PIK3R5: variants seen among roughly 807,000 people sequenced by gnomAD.
PIK3R5 encodes phosphoinositide 3-kinase regulatory subunit 5.
In PIK3R5, 32 loss-of-function variants were observed where a neutral mutation model predicts 94.9. The observed-to-expected ratio is 0.34, with a 90% CI of 0.25 to 0.45. The LOEUF is 0.45. Among genes scored for constraint, PIK3R5 ranks in the 20% least tolerant of loss-of-function variants. The pLI is 1.00. For synonymous variants in PIK3R5, 443 were observed against 479.4 expected (o/e 0.92, Z 0.99); for missense variants, 853 against 1,144.6 (o/e 0.75, Z 3.68).
chr17:8,931,231 T>C (rs2090981382), intron 1 of PIK3R5, among the ~76,000 whole-genome samples: 1 of 152,214 alleles, frequency 6.6e-6, no homozygotes, highest in African/African-American at 2.4e-5. Flanking sequence ...CTAAAAACTT[T>C]ATTTTTTAAA....
In PIK3R5 at chr17:8,882,974, G is replaced by A. The variant is rs1351299764; in HGVS notation, c.2206-1093C>T. On this transcript the variant is annotated intron_variant, in intron 15 of 18. Transcript: ENST00000447110. The surrounding 1 kb of genome is among the most constrained non-coding windows in gnomAD (Gnocchi z 4.1). Reference sequence around the variant, plus strand: ...GTCCTCCACAGAGCTGCCAGAGGGAGCTTCCAAGCCTCAGATATAATCATG... The same window carrying A: ...GTCCTCCACAGAGCTGCCAGAGGGAACTTCCAAGCCTCAGATATAATCATG... 6.6e-6 allele frequency among the ~76,000 whole-genome samples: 1 copy of A among 152,238 alleles called. No homozygotes were observed. Among genetic ancestry groups the A allele is most frequent in the Non-Finnish European group, 1.5e-5 (1 of 68,042 alleles).
chr17:8,950,540 A>T (rs1358767602), intron 1 of PIK3R5, among the ~76,000 whole-genome samples: 1 of 152,240 alleles, frequency 6.6e-6, no homozygotes, highest in Non-Finnish European at 1.5e-5. Flanking sequence ...AAGAGAGAAC[A>T]TATGGTATTT....
Position 8,888,337 on chromosome 17 carries a change from G to A in PIK3R5, c.1450C>T (p.Leu484Phe). Residue 484 changes from leucine to phenylalanine, a missense_variant, in exon 10 of 19, where the codon CTC (leucine) becomes TTC (phenylalanine). Transcript: ENST00000447110. The surrounding 1 kb of genome is among the most constrained non-coding windows in gnomAD (Gnocchi z 7.8). ...AGCCAGCTGGGCAGCTGGGTACCGA[G>A]TTTGGGCTGGGGCAGGGAGCGGGAG... ...QRSRSLPQPK[L>F]GTQLPSWLLA... The A allele has an allele frequency of 6.2e-7, 1 of 1,612,494 alleles. No homozygotes were observed. Among genetic ancestry groups the A allele is most frequent in the Non-Finnish European group, 8.5e-7 (1 of 1,179,654 alleles).
chr17:8,906,822 G>A (rs1325227815), intron 3 of PIK3R5, among the ~76,000 whole-genome samples: 1 of 152,106 alleles, frequency 6.6e-6, no homozygotes, highest in African/African-American at 2.4e-5. Context: ...AATATTTAGT[G>A]CAACTAGAAT....
In PIK3R5 at chr17:8,881,367, A is replaced by C. The variant is rs1196414380; in HGVS notation, c.2382+263T>G. On this transcript the variant is annotated intron_variant, in intron 17 of 18. Coordinates refer to ENST00000447110, the MANE Select transcript of PIK3R5 (RefSeq NM_001142633.3). This position sits in a 1 kb window ranked among gnomAD's most constrained non-coding sequence, Gnocchi z 4.8. Reference sequence around the variant, plus strand: ...CCCACCCCACAACTTTTCCACATACACGCGTCCTCTCACAGGGCACCCCTA... The same window carrying C: ...CCCACCCCACAACTTTTCCACATACCCGCGTCCTCTCACAGGGCACCCCTA... 6.6e-6 allele frequency among the ~76,000 whole-genome samples: 1 copy of C among 151,344 alleles called. No homozygotes were observed. Among genetic ancestry groups the C allele is most frequent in the African/African-American group, 2.4e-5 (1 of 41,080 alleles).
In PIK3R5 at chr17:8,887,508, G is replaced by C; in HGVS notation, c.1779+13C>G. ...CTACTTTCCCCGACCATTGGCCCAG[G>C]CTGGGGACATACTCCAGGGCTGGCG... On this transcript the variant is annotated intron_variant, in intron 11 of 18. Coordinates refer to ENST00000447110, the MANE Select transcript of PIK3R5 (RefSeq NM_001142633.3). The C allele has an allele frequency of 1.3e-6, 2 of 1,598,600 alleles. No homozygotes were observed. The highest frequency in any genetic ancestry group is 2.7e-5 in the African/African-American group (2 of 74,706).
chr17:8,913,750 C>T (rs1268506637), intron 1 of PIK3R5, among the ~76,000 whole-genome samples: 1 of 152,174 alleles, frequency 6.6e-6, no homozygotes, highest in African/African-American at 2.4e-5. Context: ...TCATTGGTGA[C>T]TCAAGACCTT....
At chr17:8,952,903 C>A (rs1226995075) in intron 1 of PIK3R5, among the ~76,000 whole-genome samples, 1 of 152,084 alleles carries the variant, frequency 6.6e-6, no homozygotes, top group Non-Finnish European at 1.5e-5. Context: ...GCAACTGTGG[C>A]CGTTATCATA....
intron 1 of PIK3R5, among the ~76,000 whole-genome samples, chr17:8,959,665 C>T (rs942552332): frequency 1.3e-5 from 2 of 152,186 alleles, no homozygotes; most frequent in South Asian, 2.1e-4. Flanking sequence ...TGAAAAGGGC[C>T]AAACCACCAA....
Position 8,965,588 on chromosome 17 carries a change from T to TCA in PIK3R5, c.-14+6_-14+7dup, listed in dbSNP as rs2091656834. On this transcript the variant is annotated splice_region_variant and intron_variant, in intron 1 of 18. Transcript: ENST00000447110. ...CTCCGCATCCGCCCTGGCCGCCCAG[T>TCA]CACACACCTGCAGTCCCCGCCGGGC... 1 of 152,254 alleles carries TCA rather than the reference T, an allele frequency of 6.6e-6. No individual in the cohort carries two copies. The highest frequency in any genetic ancestry group is 1.5e-5 in the Non-Finnish European group (1 of 68,160). The allele number at this position is 152,254 out of a possible 1,614,324, so 9.4% of individuals were successfully genotyped here.
At chr17:8,894,309 G>A (rs1306997184) in intron 5 of PIK3R5, among the ~76,000 whole-genome samples, 3 of 152,176 alleles carry the variant, frequency 2.0e-5, no homozygotes, top group East Asian at 1.9e-4. Flanking sequence ...GGTCCCTGCC[G>A]CTGCCCCCTC....
rs944328512 is a variant in PIK3R5 at position 8,881,073 on chromosome 17, C to G, written c.2383-56G>C. On this transcript the variant is annotated intron_variant, in intron 17 of 18. Transcript: ENST00000447110. This position sits in a 1 kb window ranked among gnomAD's most constrained non-coding sequence, Gnocchi z 4.8. Reference sequence around the variant, plus strand: ...CCCTGGCCATCCAACACTGCCAGCCCCTGGCAGTTCCTTTTCTCAGAACTG... The same window carrying G: ...CCCTGGCCATCCAACACTGCCAGCCGCTGGCAGTTCCTTTTCTCAGAACTG... 6.3e-6 allele frequency: 8 copies of G among 1,265,424 alleles called. No homozygotes were observed. Among genetic ancestry groups the G allele is most frequent in the Non-Finnish European group, 9.3e-6 (8 of 862,148 alleles). 78.4% of individuals were successfully genotyped at this position (1,265,424 alleles called of 1,614,324 possible).
rs1289512058 is a variant in PIK3R5 at position 8,935,034 on chromosome 17, G to T, written c.-13-23527C>A. On this transcript the variant is annotated intron_variant, in intron 1 of 18. Transcript: ENST00000447110. This position sits in a 1 kb window ranked among gnomAD's most constrained non-coding sequence, Gnocchi z 4.5. ...ACCATGTTCCCCTGTTTCTGATGTG[G>T]ATCTTAATATGCATTCTTCTGTCTT... Among the ~76,000 whole-genome samples, 1 of 152,126 alleles carries T rather than the reference G, an allele frequency of 6.6e-6. No individual in the cohort carries two copies. Among genetic ancestry groups the T allele is most frequent in the African/African-American group, 2.4e-5 (1 of 41,388 alleles).
At chr17:8,948,042 T>TAAAAAAAAAAAAAAAAAAA (rs71135932) in intron 1 of PIK3R5, among the ~76,000 whole-genome samples, 1 of 62,778 alleles carries the variant, frequency 1.6e-5, no homozygotes, top group Non-Finnish European at 3.0e-5. Context: ...GACTCCGTCT[T>TAAAAAAAAAAAAAAAAAAA]AAAAAAAAAA....
At chr17:8,916,031 C>G (rs2090622807) in intron 1 of PIK3R5, 1 of 152,366 alleles carries the variant, frequency 6.6e-6, no homozygotes, top group African/African-American at 2.4e-5. Context: ...TCCTCAGGCA[C>G]TGGTGGAATT....
intron 1 of PIK3R5, among the ~76,000 whole-genome samples, chr17:8,923,451 G>T (rs1714142049): frequency 6.6e-6 from 1 of 152,200 alleles, no homozygotes; most frequent in Admixed American, 6.5e-5. Flanking sequence ...TTTTACAGAT[G>T]AGGAGACTGC....
chr17:8,936,955 T>C (rs992956278), intron 1 of PIK3R5, among the ~76,000 whole-genome samples: 10 of 152,230 alleles, frequency 6.6e-5, no homozygotes, highest in African/African-American at 2.4e-4. Context: ...TGTTTTCTCA[T>C]ATAAATCTTG....
At position 8,880,491 on chromosome 17, in the gene PIK3R5, T is replaced by C; in HGVS notation, c.*148A>G. 2 of 758,288 alleles carry C rather than the reference T, an allele frequency of 2.6e-6. No individual in the cohort carries two copies. 47.0% of individuals were successfully genotyped at this position (758,288 alleles called of 1,614,324 possible). A position where few individuals can be genotyped will look rare whatever the true frequency, so the allele number is the denominator to read the frequency against. On this transcript the variant is annotated 3_prime_UTR_variant, in exon 19 of 19. Transcript: ENST00000447110. ...GAACCCTGAGGCCCCAGAAACCCTC[T>C]ACTCCCAGCCCCTGCTCATTGCAGG...
Position 8,884,925 on chromosome 17 carries a change from C to G in PIK3R5, c.2129-142G>C, listed in dbSNP as rs1349769519. On this transcript the variant is annotated intron_variant, in intron 14 of 18. Transcript: ENST00000447110. The surrounding 1 kb of genome is among the most constrained non-coding windows in gnomAD (Gnocchi z 5.8). ...TCCCTAGGGATCTGTCTCACCAAGG[C>G]CCTGCCTCTCTCTCTGGCTCCACGT... 1 of 669,908 alleles carries G rather than the reference C, an allele frequency of 1.5e-6. No homozygotes were observed. Among genetic ancestry groups the G allele is most frequent in the East Asian group, 2.7e-5 (1 of 36,492 alleles). 41.5% of individuals were successfully genotyped at this position (669,908 alleles called of 1,614,324 possible). A position where few individuals can be genotyped will look rare whatever the true frequency, so the allele number is the denominator to read the frequency against.
Sources: allele counts gnomAD v4.1 joint callset (sites outside exome capture counted in the v4.1 genomes callset), GRCh38; gene constraint gnomAD v4.1.1; non-coding constraint Gnocchi (gnomAD v3.1); transcripts MANE v1.5; gene names NCBI Gene and HGNC (gene_info 2026-07-23, HGNC 2026-07-21).